Variants in ZNF532 observed in about 807,000 individuals in gnomAD.
ZNF532 encodes the protein zinc finger protein 532.
A neutral mutation model predicts 89.3 loss-of-function variants in ZNF532; 22 were observed. The observed-to-expected ratio is 0.25, with a 90% CI of 0.18 to 0.35. ZNF532 has a LOEUF of 0.35. Ranked by LOEUF, ZNF532 falls within the 10% of genes least tolerant of loss-of-function variation. The pLI, the probability that ZNF532 is intolerant of heterozygous loss-of-function variation, is 1.00. For synonymous variants in ZNF532, 606 were observed against 649.6 expected, an observed-to-expected ratio of 0.93 and a Z score of 1.02; for missense variants, 1,132 against 1,643.4, an observed-to-expected ratio of 0.69 and a Z score of 5.38.
rs576460406 is a variant in ZNF532, at chr18:58,873,236, G to A, written c.-18+7657G>A. Among the ~76,000 whole-genome samples, 15 of 152,028 alleles carry A rather than the reference G, an allele frequency of 9.9e-5. No homozygotes were observed. The South Asian group carries it at 2.9e-3, about 29-fold the overall frequency. ...GGGATCTCTCTATGTTGCCCAGGCT[G>A]GTCTCAAACACCTGTGCTCAAGTGA... On this transcript the variant is annotated intron_variant, in intron 2 of 9. Transcript: ENST00000591808.
At chr18:58,975,706 C>G (rs72961161) in intron 7 of ZNF532, among the ~76,000 whole-genome samples, 3,857 of 152,222 alleles carry the variant, frequency 0.025, 52 homozygotes, top group Middle Eastern at 0.078. Context: ...GGAAGTGTAC[C>G]CAAGTGTTTA....
intron 2 of ZNF532, among the ~76,000 whole-genome samples, chr18:58,911,303 A>C (rs768221496): frequency 1.3e-5 from 2 of 152,254 alleles, no homozygotes; most frequent in Non-Finnish European, 2.9e-5. Flanking sequence ...GCCAGCATGA[A>C]GGTACAGGCA....
chr18:58,870,991 A>C (rs544849713), intron 2 of ZNF532, among the ~76,000 whole-genome samples: 1 of 152,238 alleles, frequency 6.6e-6, no homozygotes, highest in African/African-American at 2.4e-5. Flanking sequence ...GATTGGTAGT[A>C]ATGAACATAA....
chr18:58,933,373 C>T (rs1247298053), intron 3 of ZNF532, among the ~76,000 whole-genome samples: 1 of 151,924 alleles, frequency 6.6e-6, no homozygotes. Context: ...AATTTTTGGG[C>T]GTGCTTCAAA....
In ZNF532 at chr18:58,948,115, C is replaced by T. The variant is rs148831961; in HGVS notation, c.2754C>T (p.Thr918=). Residue 918 remains threonine, a synonymous_variant, in exon 6 of 10, where the codon ACC becomes ACT. Transcript: ENST00000591808. The stretch of plus-strand genomic sequence containing the variant: ...GCGACACTGTGTTCACCCTGCAAAC[C>T]TTGCTGTATCGCCACTTTGACCAAC... ...SMCDTVFTLQ[T]LLYRHFDQHI... 1.1e-5 allele frequency: 18 copies of T among 1,613,806 alleles called. No homozygotes were observed. The highest frequency in any genetic ancestry group is 1.4e-5 in the Non-Finnish European group (17 of 1,179,824).
At chr18:58,980,533 G>A (rs991353746) in intron 8 of ZNF532, 1 of 152,208 alleles carries the variant, frequency 6.6e-6, no homozygotes, top group East Asian at 1.9e-4. Flanking sequence ...GAATTCCTCC[G>A]AAGCTATTTT....
chr18:58,926,729 G>A (rs1241388620), intron 3 of ZNF532, among the ~76,000 whole-genome samples: 4 of 152,100 alleles, frequency 2.6e-5, no homozygotes, highest in African/African-American at 7.2e-5. Flanking sequence ...TATATTTTTG[G>A]TGAGGACACG....
At chr18:58,925,820 C>T (rs2061478493) in intron 3 of ZNF532, among the ~76,000 whole-genome samples, 1 of 152,088 alleles carries the variant, frequency 6.6e-6, no homozygotes, top group South Asian at 2.1e-4. Flanking sequence ...ATTTTTTCCC[C>T]CAATACTTGG....
rs973628201 is a variant in ZNF532, at chr18:58,873,249, T to C, written c.-18+7670T>C. On this transcript the variant is annotated intron_variant, in intron 2 of 9. Transcript: ENST00000591808. ...GTTGCCCAGGCTGGTCTCAAACACC[T>C]GTGCTCAAGTGATCTGCCTTCCTTG... Among the ~76,000 whole-genome samples, 62 of 152,076 alleles carry C rather than the reference T, an allele frequency of 4.1e-4. 1 individual carries two copies. Among genetic ancestry groups the C allele is most frequent in the South Asian group, 2.1e-4 (1 of 4,826 alleles).
At chr18:58,880,411 G>A (rs542493372) in intron 2 of ZNF532, among the ~76,000 whole-genome samples, 1 of 152,292 alleles carries the variant, frequency 6.6e-6, no homozygotes, top group South Asian at 2.1e-4. Context: ...TAATGGATAT[G>A]CCAAGGCTAA....
At chr18:58,875,090 T>C (rs949694434) in intron 2 of ZNF532, among the ~76,000 whole-genome samples, 1 of 152,214 alleles carries the variant, frequency 6.6e-6, no homozygotes. Context: ...CAGAATATCT[T>C]GTTTTTTATA....
chr18:58,982,285 C>T (rs2067884245), intron 9 of ZNF532, among the ~76,000 whole-genome samples: 1 of 151,844 alleles, frequency 6.6e-6, no homozygotes, highest in Non-Finnish European at 1.5e-5. Context: ...ACCTGGGGGA[C>T]AAGAGCAGGA....
intron 7 of ZNF532, among the ~76,000 whole-genome samples, chr18:58,968,982 G>C (rs1430233163): frequency 1.3e-5 from 2 of 152,118 alleles, no homozygotes; most frequent in Non-Finnish European, 2.9e-5. Flanking sequence ...TTAGCCACAG[G>C]TGGGGACATC....
Position 58,966,996 on chromosome 18 carries a change from G to A in ZNF532, c.3151-12059G>A, listed in dbSNP as rs540098155. Among the ~76,000 whole-genome samples the A allele has an allele frequency of 4.3e-4, 66 of 152,288 alleles. 2 individuals are homozygous for A. In the South Asian group the frequency reaches 5.6e-3, roughly 13 times the overall value. On this transcript the variant is annotated intron_variant, in intron 7 of 9. Coordinates refer to ENST00000591808, the MANE Select transcript of ZNF532 (RefSeq NM_001375912.1). ...CGTTTTCTCATGACACTGCATGAGAGTATATTAATGTACATCCCACTGGAT... is the reference window on the plus strand; with the variant it reads ...CGTTTTCTCATGACACTGCATGAGAATATATTAATGTACATCCCACTGGAT...
chr18:58,922,903 T>C (rs2061230874), intron 3 of ZNF532, among the ~76,000 whole-genome samples: 1 of 152,180 alleles, frequency 6.6e-6, no homozygotes, highest in Non-Finnish European at 1.5e-5. Context: ...TTTCCCTAGT[T>C]TTTGTTCTTT....
At position 58,986,138 on chromosome 18, in the gene ZNF532, C is replaced by T. The variant is rs948331896; in HGVS notation, c.*1672C>T. On this transcript the variant is annotated 3_prime_UTR_variant, in exon 10 of 10. Transcript: ENST00000591808. ...TGTTGACTCCATCAGTACATGGGTA[C>T]AATCCGAGGGTGTGAATTTCAGCTT... The T allele has an allele frequency of 2.0e-5, 3 of 152,638 alleles. No individual in the cohort carries two copies. Among genetic ancestry groups the T allele is most frequent in the Non-Finnish European group, 4.4e-5 (3 of 68,038 alleles). 9.5% of individuals were successfully genotyped at this position (152,638 alleles called of 1,614,324 possible).
intron 2 of ZNF532, among the ~76,000 whole-genome samples, chr18:58,888,773 T>A (rs1192497125): frequency 8.6e-5 from 5 of 58,324 alleles, no homozygotes; most frequent in South Asian, 5.3e-4. Context: ...TATATATAAT[T>A]TATATATATA....
At chr18:58,880,182 C>T (rs899362676) in intron 2 of ZNF532, among the ~76,000 whole-genome samples, 1 of 152,128 alleles carries the variant, frequency 6.6e-6, no homozygotes, top group African/African-American at 2.4e-5. Context: ...AGCTGTCTGG[C>T]TCGATAGACA....
chr18:58,918,868 A>G lies in ZNF532; in HGVS notation c.581A>G (p.Asn194Ser), dbSNP rs375185603. 2.0e-5 allele frequency: 32 copies of G among 1,614,034 alleles called. No homozygotes were observed. The highest frequency in any genetic ancestry group is 9.3e-5 in the African/African-American group (7 of 74,938). ...SSKTGLSTSG[N>S]VEKNKAVKRE... ...AAAACTGGACTCTCTACGTCAGGCA[A>G]TGTGGAGAAAAACAAAGCTGTTAAG... is the stretch of plus-strand genomic sequence containing the variant. Residue 194 changes from asparagine to serine, a missense_variant, in exon 3 of 10, where the codon AAT becomes AGT. Asn to Ser is a conservative substitution (Grantham distance 46). Transcript: ENST00000591808.
Sources: allele counts gnomAD v4.1 joint callset (sites outside exome capture counted in the v4.1 genomes callset), GRCh38; gene constraint gnomAD v4.1.1; transcripts MANE v1.5; gene names NCBI Gene and HGNC (gene_info 2026-07-23, HGNC 2026-07-21).